The following RAD51B variants were observed in gnomAD, a reference collection of about 807,000 sequenced individuals.
RAD51B encodes the protein RAD51 paralog B.
A neutral mutation model predicts 42.2 loss-of-function variants in RAD51B; 38 were observed. That is an observed-to-expected ratio of 0.90 (90% CI 0.70 to 1.18). The LOEUF is 1.18. RAD51B is among the 50% of genes most tolerant of loss of function. The probability of loss-of-function intolerance (pLI) is 0.00; values close to 1 mark genes in which losing one functional copy is unlikely to be tolerated. For synonymous variants in RAD51B, 154 were observed against 145.2 expected, an observed-to-expected ratio of 1.06 and a Z score of -0.43; for missense variants, 373 against 400.7, an observed-to-expected ratio of 0.93 and a Z score of 0.59.
At chr14:68,030,122 T>G (rs979214331) in intron 7 of RAD51B, among the ~76,000 whole-genome samples, 1 of 152,214 alleles carries the variant, frequency 6.6e-6, no homozygotes, top group African/African-American at 2.4e-5. Context: ...CAGAGTAGAT[T>G]AGCATAATTC....
intron 10 of RAD51B, among the ~76,000 whole-genome samples, chr14:68,484,788 T>A (rs1883499854): frequency 6.6e-6 from 1 of 152,176 alleles, no homozygotes; most frequent in Non-Finnish European, 1.5e-5. Context: ...GAATTCATTA[T>A]CCTGGGGTCT....
chr14:68,256,648 A>G (rs2080759486), intron 7 of RAD51B, among the ~76,000 whole-genome samples: 1 of 152,024 alleles, frequency 6.6e-6, no homozygotes, highest in South Asian at 2.1e-4. Flanking sequence ...TCCTGTGTAA[A>G]CTTTGCTTTT....
chr14:67,961,400 G>A (rs1264188135), intron 7 of RAD51B, among the ~76,000 whole-genome samples: 1 of 152,200 alleles, frequency 6.6e-6, no homozygotes, highest in Non-Finnish European at 1.5e-5. Context: ...TGGTCACTAA[G>A]AAAGTAGGAG....
At chr14:68,285,156 G>C (rs1484291141) in intron 7 of RAD51B, among the ~76,000 whole-genome samples, 1 of 152,174 alleles carries the variant, frequency 6.6e-6, no homozygotes, top group East Asian at 1.9e-4. Flanking sequence ...AGTGATGAAA[G>C]GACTCAATGG....
At chr14:68,229,382 G>A (rs2080103671) in intron 7 of RAD51B, among the ~76,000 whole-genome samples, 1 of 152,098 alleles carries the variant, frequency 6.6e-6, no homozygotes, top group Non-Finnish European at 1.5e-5. Context: ...TTCCTAGAGG[G>A]CCCTTTGTGG....
At chr14:67,884,716 C>T (rs2043011900) in intron 5 of RAD51B, among the ~76,000 whole-genome samples, 2 of 152,172 alleles carry the variant, frequency 1.3e-5, no homozygotes, top group Admixed American at 1.3e-4. Context: ...TCACTCTTCA[C>T]ACCTCTTTTG....
At chr14:68,438,609 C>A (rs1409466945) in intron 9 of RAD51B, among the ~76,000 whole-genome samples, 1 of 152,138 alleles carries the variant, frequency 6.6e-6, no homozygotes, top group Non-Finnish European at 1.5e-5. Context: ...ATTTTGTCTT[C>A]CCCTGCCTCC....
chr14:68,368,637 G>C (rs1263783396), intron 8 of RAD51B, among the ~76,000 whole-genome samples: 2 of 152,162 alleles, frequency 1.3e-5, no homozygotes, highest in East Asian at 3.8e-4. Flanking sequence ...TCTATGATGG[G>C]GCAGTGGTGG....
intron 7 of RAD51B, among the ~76,000 whole-genome samples, chr14:68,244,117 A>G (rs1314916): frequency 0.11 from 16,466 of 152,228 alleles, 1,166 homozygotes; most frequent in Middle Eastern, 0.3. Flanking sequence ...CTAAAATGTT[A>G]TAGAAAGATC....
intron 7 of RAD51B, among the ~76,000 whole-genome samples, chr14:67,961,762 A>G (rs2074673040): frequency 6.6e-6 from 1 of 152,152 alleles, no homozygotes; most frequent in African/African-American, 2.4e-5. Flanking sequence ...AGAAATATGT[A>G]TACAACATTT....
intron 7 of RAD51B, among the ~76,000 whole-genome samples, chr14:68,166,215 A>C (rs1301207551): frequency 1.3e-5 from 2 of 151,136 alleles, no homozygotes; most frequent in African/African-American, 4.9e-5. Context: ...TGAAGAAAAA[A>C]GTCCTAGTCC....
chr14:68,417,310 C>T (rs572555659), intron 9 of RAD51B, among the ~76,000 whole-genome samples: 48 of 152,264 alleles, frequency 3.2e-4, no homozygotes, highest in East Asian at 9.6e-4. Context: ...AGGAGAAGTT[C>T]GGCTGTGCTG....
intron 8 of RAD51B, among the ~76,000 whole-genome samples, chr14:68,389,939 T>G (rs958617077): frequency 1.3e-5 from 2 of 152,202 alleles, no homozygotes; most frequent in African/African-American, 4.8e-5. Context: ...CTAGGTATTC[T>G]GCGAATATGT....
At chr14:68,032,835 C>G (rs1566592760) in intron 7 of RAD51B, among the ~76,000 whole-genome samples, 1 of 152,178 alleles carries the variant, frequency 6.6e-6, no homozygotes, top group East Asian at 1.9e-4. Context: ...TCAGCTCTAT[C>G]TTATACCACT....
chr14:68,382,106 T>G (rs1451714309), intron 8 of RAD51B, among the ~76,000 whole-genome samples: 2 of 152,218 alleles, frequency 1.3e-5, no homozygotes, highest in Non-Finnish European at 1.5e-5. Flanking sequence ...AGGCCATTTA[T>G]TTAGCTCTGG....
intron 10 of RAD51B, among the ~76,000 whole-genome samples, chr14:68,529,446 G>A (rs1887138835): frequency 6.6e-6 from 1 of 152,194 alleles, no homozygotes; most frequent in African/African-American, 2.4e-5. Flanking sequence ...CATCTGTAAG[G>A]TGGAGCTTAC....
intron 10 of RAD51B, among the ~76,000 whole-genome samples, chr14:68,507,004 AG>A (rs1885376158): frequency 6.6e-6 from 1 of 152,066 alleles, no homozygotes; most frequent in Non-Finnish European, 1.5e-5. Context: ...TTGTTTATAC[AG>A]GACACAAGAT....
intron 5 of RAD51B, among the ~76,000 whole-genome samples, chr14:67,869,279 T>C (rs371336009): frequency 5.9e-5 from 9 of 151,910 alleles, no homozygotes; most frequent in Admixed American, 1.3e-4. Flanking sequence ...TCGAGAACTA[T>C]GTGAAGAATG....
At chr14:68,243,347 A>C (rs1194603213) in intron 7 of RAD51B, among the ~76,000 whole-genome samples, 1 of 152,194 alleles carries the variant, frequency 6.6e-6, no homozygotes, top group Non-Finnish European at 1.5e-5. Flanking sequence ...TATATTATGC[A>C]CACTTTTAGG....
Sources: gnomAD v4.1 joint callset for allele counts (sites outside exome capture counted in the v4.1 genomes callset) on GRCh38, gnomAD v4.1.1 for gene constraint, MANE v1.5 for transcripts, NCBI Gene and HGNC (gene_info 2026-07-23, HGNC 2026-07-21) for gene names.